The following MAK16 variants were observed in gnomAD, a reference collection of about 807,000 sequenced individuals.
MAK16 encodes the protein protein MAK16 homolog.
MAK16 carries 12 observed loss-of-function variants against 49.9 expected under a neutral mutation model. That is an observed-to-expected ratio of 0.24 (90% CI 0.15 to 0.39). The LOEUF (loss-of-function observed/expected upper bound fraction) is 0.39. MAK16 is among the 10% of genes least tolerant of loss of function. The pLI is 1.00. For synonymous variants in MAK16, 115 were observed against 126.4 expected, an observed-to-expected ratio of 0.91 and a Z score of 0.60; for missense variants, 292 against 363.7, an observed-to-expected ratio of 0.80 and a Z score of 1.60.
Position 33,498,453 on chromosome 8 carries a change from A to G in MAK16, c.727A>G (p.Ser243Gly), listed in dbSNP as rs2128825462. 6.2e-7 allele frequency: 1 copy of G among 1,614,080 alleles called. No individual in the cohort carries two copies. The highest frequency in any genetic ancestry group is 8.5e-7 in the Non-Finnish European group (1 of 1,180,016). Residue 243 changes from serine to glycine, a missense_variant, in exon 10 of 10, where the codon AGC (serine) becomes GGC (glycine). Ser to Gly is a moderately conservative substitution (Grantham distance 56). Coordinates refer to ENST00000360128, the MANE Select transcript of MAK16 (RefSeq NM_032509.4). Reference protein sequence around the residue: ...DFEDMDKLDASSDEDQDGKSS... With the variant: ...DFEDMDKLDAGSDEDQDGKSS... ...ATAGGATATGGATAAACTGGATGCC[A>G]GCAGTGATGAAGATCAGGATGGTAA...
chr8:33,495,943 T>C (rs886991230), intron 7 of MAK16, among the ~76,000 whole-genome samples: 4 of 152,006 alleles, frequency 2.6e-5, no homozygotes, highest in African/African-American at 9.7e-5. Flanking sequence ...CTTGAACTCC[T>C]GACCTCGTGA....
intron 6 of MAK16, among the ~76,000 whole-genome samples, chr8:33,493,769 A>T (rs1455190077): frequency 6.6e-6 from 1 of 152,186 alleles, no homozygotes; most frequent in African/African-American, 2.4e-5. Flanking sequence ...CCCTCTGAAA[A>T]ATGTAGATTT....
At position 33,500,980 on chromosome 8, in the gene MAK16, C is replaced by T. The variant is rs1809055459; in HGVS notation, c.*2351C>T. ...TGTCATTTAATTTCAGATCCTAGCT[C>T]ATCATCAGTGAAGTCCAGCCTACTT... On this transcript the variant is annotated 3_prime_UTR_variant, in exon 10 of 10. Coordinates refer to ENST00000360128, the MANE Select transcript of MAK16 (RefSeq NM_032509.4). The T allele has an allele frequency of 6.2e-6, 1 of 160,434 alleles. No homozygotes were observed. The highest frequency in any genetic ancestry group is 2.4e-5 in the African/African-American group (1 of 41,518). The allele number at this position is 160,434 out of a possible 1,614,324, so 9.9% of individuals were successfully genotyped here. A position where few individuals can be genotyped will look rare whatever the true frequency, so the allele number is the denominator to read the frequency against.
At chr8:33,494,553 C>T (rs914470320) in intron 6 of MAK16, among the ~76,000 whole-genome samples, 1 of 152,160 alleles carries the variant, frequency 6.6e-6, no homozygotes, top group African/African-American at 2.4e-5. Context: ...CCCTATCTGC[C>T]GTATTCCTCC....
At chr8:33,486,954 C>A (rs1033361368) in intron 1 of MAK16, among the ~76,000 whole-genome samples, 2 of 152,170 alleles carry the variant, frequency 1.3e-5, no homozygotes, top group African/African-American at 4.8e-5. Flanking sequence ...AAGCCACAAG[C>A]CTAAAAGAGC....
intron 5 of MAK16, 145 bp from the exon 6 acceptor site, chr8:33,490,140 G>T (rs541868434): frequency 1.6e-6 from 1 of 619,848 alleles, no homozygotes; most frequent in Non-Finnish European, 2.8e-6. Flanking sequence ...GCTAGCCTCC[G>T]TGAATGCCTG....
intron 7 of MAK16, among the ~76,000 whole-genome samples, chr8:33,496,226 C>CT: frequency 6.6e-6 from 1 of 152,194 alleles, no homozygotes; most frequent in East Asian, 1.9e-4. Flanking sequence ...TTACCCTAGT[C>CT]TTTTAAGGCT....
Position 33,489,658 on chromosome 8 carries a change from G to C in MAK16, c.392+519G>C, listed in dbSNP as rs1808746524. On this transcript the variant is annotated intron_variant, in intron 5 of 9. Coordinates refer to ENST00000360128, the MANE Select transcript of MAK16 (RefSeq NM_032509.4). The surrounding 1 kb of genome is among the most constrained non-coding windows in gnomAD (Gnocchi z 4.2). ...CCCAAAGTGCTGGGATTACAGGCAT[G>C]AGCCACCATGCCCAGCCTTCAGAAA... 1.3e-5 allele frequency among the ~76,000 whole-genome samples: 2 copies of C among 152,180 alleles called. No individual in the cohort carries two copies. Among genetic ancestry groups the C allele is most frequent in the African/African-American group, 4.8e-5 (2 of 41,442 alleles).
chr8:33,495,572 A>G lies in MAK16; in HGVS notation c.478A>G (p.Asn160Asp), dbSNP rs1808843872. 2 of 1,613,990 alleles carry G rather than the reference A, an allele frequency of 1.2e-6. No individual in the cohort carries two copies. The highest frequency in any genetic ancestry group is 1.7e-6 in the Non-Finnish European group (2 of 1,179,970). Residue 160 changes from asparagine (N) to aspartate (D), a missense_variant, in exon 7 of 10, where the codon AAT (asparagine) becomes GAT (aspartate). By Grantham distance (23) the Asn-to-Asp change is conservative. Transcript: ENST00000360128. ...EKALIAAQLD[N>D]AIEKELLERL... ...GGCATTAATAGCTGCTCAGCTGGAC[A>G]ATGCCATTGAGAAGGAATTACTGGA...
rs779720551 is a variant in MAK16, at chr8:33,496,630, C to T, written c.528C>T (p.Gly176=). Residue 176 remains glycine, a synonymous_variant, in exon 8 of 10, where the codon GGC becomes GGT. Coordinates refer to ENST00000360128, the MANE Select transcript of MAK16 (RefSeq NM_032509.4). ...TCTGTGTTTATGTTCTTCAGTATGG[C>T]GACATCTACAACTTCCCCATTCATG... ...LLERLKQDTY[G]DIYNFPIHAF... 3.1e-6 allele frequency: 5 copies of T among 1,611,100 alleles called. No individual in the cohort carries two copies. The highest frequency in any genetic ancestry group is 2.7e-5 in the African/African-American group (2 of 74,770).
intron 9 of MAK16, 140 bp from the exon 10 acceptor site, chr8:33,498,292 A>AT: frequency 1.4e-6 from 1 of 722,750 alleles, no homozygotes. Flanking sequence ...AAAAAAAAAA[A>AT]TTAAAGAAAG....
Position 33,489,114 on chromosome 8 carries a change from A to C in MAK16, c.367A>C (p.Ile123Leu). 6.2e-7 allele frequency: 1 copy of C among 1,613,624 alleles called. No homozygotes were observed. Among genetic ancestry groups the C allele is most frequent in the Non-Finnish European group, 8.5e-7 (1 of 1,179,656 alleles). The change falls in exon 5 of 10, where the codon ATT (isoleucine) becomes CTT (leucine). Residue 123 changes from isoleucine to leucine, a missense_variant. Coordinates refer to ENST00000360128, the MANE Select transcript of MAK16 (RefSeq NM_032509.4). The surrounding 1 kb of genome is among the most constrained non-coding windows in gnomAD (Gnocchi z 4.2). ...CAAGATCACCCAATACCTAATTCGA[A>C]TTAGAAAACTTACACTAAAGCGACA... is the stretch of plus-strand genomic sequence containing the variant. ...FTKITQYLIR[I>L]RKLTLKRQRK...
rs1206732148 is a variant in MAK16, at chr8:33,489,299, T to G, written c.392+160T>G. ...TAGCTTTGACTAAAGGTGTGCCCTT[T>G]GATATGGCAGGACTTTTAAAACAGT... On this transcript the variant is annotated intron_variant, in intron 5 of 9. Coordinates refer to ENST00000360128, the MANE Select transcript of MAK16 (RefSeq NM_032509.4). This position sits in a 1 kb window ranked among gnomAD's most constrained non-coding sequence, Gnocchi z 4.2. The G allele has an allele frequency of 3.3e-6, 2 of 613,384 alleles. No homozygotes were observed. The highest frequency in any genetic ancestry group is 5.6e-6 in the Non-Finnish European group (2 of 355,630). 38.0% of individuals were successfully genotyped at this position (613,384 alleles called of 1,614,324 possible). A position where few individuals can be genotyped will look rare whatever the true frequency, so the allele number is the denominator to read the frequency against.
rs1251787231 is a variant in MAK16 at position 33,501,146 on chromosome 8, T to TA, written c.*2517_*2518insA. On this transcript the variant is annotated 3_prime_UTR_variant, in exon 10 of 10. Coordinates refer to ENST00000360128, the MANE Select transcript of MAK16 (RefSeq NM_032509.4). Reference sequence around the variant, plus strand: ...CTTTAAAATGGAAAATTTATATGTATTTTTACCACAATAAACAAAAAACCC... The same window carrying TA: ...CTTTAAAATGGAAAATTTATATGTATATTTTACCACAATAAACAAAAAACCC... 1 of 152,180 alleles carries TA rather than the reference T, an allele frequency of 6.6e-6. No homozygotes were observed. Among genetic ancestry groups the TA allele is most frequent in the Non-Finnish European group, 1.5e-5 (1 of 68,034 alleles). 9.4% of individuals were successfully genotyped at this position (152,180 alleles called of 1,614,324 possible). A position where few individuals can be genotyped will look rare whatever the true frequency, so the allele number is the denominator to read the frequency against.
chr8:33,500,421 T>C lies in MAK16; in HGVS notation c.*1792T>C. ...TCTTAACAGACTCAGGTGTAAGGTT[T>C]GGATCCCTTGCTACATCACAAATCA... On this transcript the variant is annotated 3_prime_UTR_variant, in exon 10 of 10. Coordinates refer to ENST00000360128, the MANE Select transcript of MAK16 (RefSeq NM_032509.4). The C allele has an allele frequency of 3.7e-6, 6 of 1,614,156 alleles. No homozygotes were observed. The highest frequency in any genetic ancestry group is 4.2e-6 in the Non-Finnish European group (5 of 1,180,020).
At chr8:33,485,430 G>A (rs1198828472) in intron 1 of MAK16, 1 of 648,296 alleles carries the variant, frequency 1.5e-6, no homozygotes, top group South Asian at 1.8e-5. Flanking sequence ...TGTGAGCACA[G>A]GACTCCGTCA....
In MAK16 at chr8:33,500,350, C is replaced by T. The variant is rs531387294; in HGVS notation, c.*1721C>T. The T allele has an allele frequency of 1.6e-5, 26 of 1,614,078 alleles. No homozygotes were observed. The highest frequency in any genetic ancestry group is 1.6e-4 in the Middle Eastern group (1 of 6,062). ...TACCTTTACCCGTCCTTGAGAACAG[C>T]GGTCCAGGAGAATCAGGCAGTCTGT... is the stretch of plus-strand genomic sequence containing the variant. On this transcript the variant is annotated 3_prime_UTR_variant, in exon 10 of 10. Coordinates refer to ENST00000360128, the MANE Select transcript of MAK16 (RefSeq NM_032509.4).
At position 33,500,265 on chromosome 8, in the gene MAK16, C is replaced by G; in HGVS notation, c.*1636C>G. 1 of 1,594,916 alleles carries G rather than the reference C, an allele frequency of 6.3e-7. No homozygotes were observed. The highest frequency in any genetic ancestry group is 1.7e-5 in the Admixed American group (1 of 59,658). On this transcript the variant is annotated 3_prime_UTR_variant, in exon 10 of 10. Transcript: ENST00000360128. ...AGGCACATACATAGTAAATTATAAT[C>G]AATCATGGGAATTACATAAGGATAA...
intron 6 of MAK16, among the ~76,000 whole-genome samples, chr8:33,493,314 C>T (rs555254059): frequency 6.6e-4 from 101 of 152,170 alleles, no homozygotes; most frequent in African/African-American, 1.7e-3. Context: ...CCACCACACC[C>T]GGCTAATTTT....
Sources: gnomAD v4.1 joint callset for allele counts (sites outside exome capture counted in the v4.1 genomes callset) on GRCh38, gnomAD v4.1.1 for gene constraint, Gnocchi (gnomAD v3.1) non-coding constraint, MANE v1.5 for transcripts, NCBI Gene and HGNC (gene_info 2026-07-23, HGNC 2026-07-21) for gene names.